Variants in ACSS3 observed in about 807,000 individuals in gnomAD.
ACSS3 encodes acyl-CoA synthetase short-chain family member 3, mitochondrial.
Under a neutral mutation model 84.2 loss-of-function variants are expected in ACSS3, and 64 were observed. The observed-to-expected ratio is 0.76, with a 90% CI of 0.62 to 0.94. The LOEUF (loss-of-function observed/expected upper bound fraction) is 0.94. ACSS3 is among the 40% of genes least tolerant of loss of function. The probability of loss-of-function intolerance (pLI) is 0.00; values close to 1 mark genes in which losing one functional copy is unlikely to be tolerated. For missense variants in ACSS3, 815 were observed against 867.6 expected (o/e 0.94, Z 0.76); for synonymous variants, 317 against 310.1 (o/e 1.02, Z -0.23).
intron 8 of ACSS3, 98 bp downstream of exon 8, chr12:81,175,037 G>A (rs1255369138): frequency 1.5e-6 from 2 of 1,324,330 alleles, no homozygotes; most frequent in Non-Finnish European, 2.0e-6. Context: ...ACTCTTATAG[G>A]AAGAGCCAAA....
rs1156301145 is a variant in ACSS3, at chr12:81,255,537, C to A, written c.*615C>A. On this transcript the variant is annotated 3_prime_UTR_variant, in exon 16 of 16. Coordinates refer to ENST00000548058, the MANE Select transcript of ACSS3 (RefSeq NM_024560.4). ...TCTTTTGTTACTTAGGCAAGGAAAA[C>A]CACATGTCTGACCTGGTTCAGCATG... The A allele has an allele frequency of 6.6e-6, 1 of 151,994 alleles. No individual in the cohort carries two copies. The highest frequency in any genetic ancestry group is 1.5e-5 in the Non-Finnish European group (1 of 68,010). 9.4% of individuals were successfully genotyped at this position (151,994 alleles called of 1,614,324 possible).
At chr12:81,087,535 T>TA (rs75213270) in intron 1 of ACSS3, among the ~76,000 whole-genome samples, 5 of 149,452 alleles carry the variant, frequency 3.3e-5, no homozygotes, top group Non-Finnish European at 7.5e-5. Flanking sequence ...TTAGTAAGAC[T>TA]AAAAAAAAAA....
chr12:81,218,612 C>A (rs891105951), intron 10 of ACSS3, among the ~76,000 whole-genome samples: 1 of 152,078 alleles, frequency 6.6e-6, no homozygotes, highest in African/African-American at 2.4e-5. Flanking sequence ...TTAGTGAAAT[C>A]CTCTGTTTAA....
At chr12:81,081,137 C>A (rs996513599) in intron 1 of ACSS3, among the ~76,000 whole-genome samples, 29 of 152,128 alleles carry the variant, frequency 1.9e-4, no homozygotes, top group African/African-American at 7.0e-4. Flanking sequence ...CCCTCAGAAC[C>A]CACAGGCTTA....
intron 13 of ACSS3, among the ~76,000 whole-genome samples, chr12:81,239,308 G>GA (rs1301728675): frequency 6.6e-6 from 1 of 151,424 alleles, no homozygotes; most frequent in Non-Finnish European, 1.5e-5. Flanking sequence ...ATTTAAGTTT[G>GA]AAAAAAATGT....
At position 81,253,583 on chromosome 12, in the gene ACSS3, A is replaced by G. The variant is rs1339031319; in HGVS notation, c.1908A>G (p.Ala636=). 3 of 1,614,002 alleles carry G rather than the reference A, an allele frequency of 1.9e-6. No homozygotes were observed. Among genetic ancestry groups the G allele is most frequent in the East Asian group, 2.2e-5 (1 of 44,870 alleles). ...NIGPVAAFRN[A]VFVKQLPKTR... is the part of the protein sequence containing the mutation. ...GCCCTGTGGCTGCTTTTCGAAATGC[A>G]GTGTTTGTCAAACAGCTACCCAAAA... Residue 636 remains alanine (A), a synonymous_variant, in exon 15 of 16, where the codon GCA becomes GCG. Coordinates refer to ENST00000548058, the MANE Select transcript of ACSS3 (RefSeq NM_024560.4).
intron 5 of ACSS3, among the ~76,000 whole-genome samples, chr12:81,145,067 A>ATTTTT (rs35753293): frequency 6.9e-5 from 7 of 100,910 alleles, no homozygotes; most frequent in African/African-American, 1.2e-4. Context: ...CGCCTGGCTA[A>ATTTTT]TTTTTTTTTT....
chr12:81,199,615 T>C, intron 9 of ACSS3, 171 bp downstream of exon 9: 1 of 1,495,058 alleles, frequency 6.7e-7, no homozygotes, highest in Non-Finnish European at 9.0e-7. Context: ...TTATTAATAA[T>C]GTCTTCATAA....
chr12:81,244,697 A>G (rs1279498978), intron 13 of ACSS3, among the ~76,000 whole-genome samples: 4 of 152,156 alleles, frequency 2.6e-5, no homozygotes, highest in South Asian at 2.1e-4. Flanking sequence ...ATACAGTGAT[A>G]TTGCTTTGTA....
chr12:81,105,961 C>T (rs563357412), intron 1 of ACSS3, among the ~76,000 whole-genome samples: 2 of 152,166 alleles, frequency 1.3e-5, no homozygotes, highest in Non-Finnish European at 2.9e-5. Flanking sequence ...GAAGTGGAAG[C>T]TGACTGAATT....
chr12:81,202,055 G>A (rs969111202), intron 9 of ACSS3, among the ~76,000 whole-genome samples: 72 of 152,014 alleles, frequency 4.7e-4, no homozygotes, highest in African/African-American at 1.4e-3. Flanking sequence ...CGAGGTGGGC[G>A]GATCACGAGG....
At chr12:81,197,019 T>C (rs1388488001) in intron 8 of ACSS3, among the ~76,000 whole-genome samples, 1 of 152,176 alleles carries the variant, frequency 6.6e-6, no homozygotes, top group Non-Finnish European at 1.5e-5. Flanking sequence ...AATAAGATAA[T>C]TTTATTCTGT....
intron 8 of ACSS3, among the ~76,000 whole-genome samples, chr12:81,189,936 CT>C (rs1324760808): frequency 3.9e-5 from 6 of 152,146 alleles, no homozygotes; most frequent in African/African-American, 1.4e-4. Context: ...AATGGCCGTC[CT>C]TTTCTCACTG....
At chr12:81,187,848 G>A (rs188543026) in intron 8 of ACSS3, among the ~76,000 whole-genome samples, 79 of 151,890 alleles carry the variant, frequency 5.2e-4, no homozygotes, top group Non-Finnish European at 9.9e-4. Context: ...CAGAGAAATG[G>A]TTGCTATCTT....
At position 81,174,702 on chromosome 12, in the gene ACSS3, T is replaced by C. The variant is rs189010980; in HGVS notation, c.1099-86T>C. The stretch of plus-strand genomic sequence containing the variant: ...TGTTGAAAACCCCTTATTATTAATA[T>C]TGTTGTGTTAAATGTATAACTATTG... On this transcript the variant is annotated intron_variant, in intron 7 of 15. Transcript: ENST00000548058. 6 of 1,339,324 alleles carry C rather than the reference T, an allele frequency of 4.5e-6. No homozygotes were observed. In the Admixed American group the frequency reaches 1.3e-4, roughly 30 times the overall value. 83.0% of individuals were successfully genotyped at this position (1,339,324 alleles called of 1,614,324 possible).
chr12:81,162,751 C>G (rs918341496), intron 7 of ACSS3, among the ~76,000 whole-genome samples: 3 of 152,282 alleles, frequency 2.0e-5, no homozygotes, highest in African/African-American at 7.2e-5. Flanking sequence ...GCTGAACCAT[C>G]CTCAGCCCCC....
intron 11 of ACSS3, among the ~76,000 whole-genome samples, chr12:81,220,756 T>A (rs1036303630): frequency 6.6e-6 from 1 of 152,116 alleles, no homozygotes; most frequent in East Asian, 1.9e-4. Flanking sequence ...GGCGAATCAA[T>A]TTATTTTTGT....
At chr12:81,157,765 A>G (rs553477019) in intron 7 of ACSS3, among the ~76,000 whole-genome samples, 2 of 152,040 alleles carry the variant, frequency 1.3e-5, no homozygotes, top group East Asian at 3.9e-4. Flanking sequence ...CAAGATCGCA[A>G]CACTGCACTC....
intron 7 of ACSS3, among the ~76,000 whole-genome samples, chr12:81,170,647 T>G (rs536859833): frequency 6.6e-6 from 1 of 152,134 alleles, no homozygotes; most frequent in East Asian, 1.9e-4. Flanking sequence ...GGCTGCATTA[T>G]TGCTTTTGGT....
Sources: allele counts gnomAD v4.1 joint callset (sites outside exome capture counted in the v4.1 genomes callset), GRCh38; gene constraint gnomAD v4.1.1; transcripts MANE v1.5; gene names NCBI Gene and HGNC (gene_info 2026-07-23, HGNC 2026-07-21).